Variants in SNX29 observed in about 807,000 individuals in gnomAD.
SNX29 encodes the protein sorting nexin 29.
In SNX29, 78 loss-of-function variants were observed where a neutral mutation model predicts 102.1. The ratio of observed to expected loss-of-function variants is 0.76; its 90% CI spans 0.64 to 0.92. The LOEUF (loss-of-function observed/expected upper bound fraction) is 0.92, where lower values mean the gene tolerates loss of function less well. SNX29 is among the 40% of genes least tolerant of loss of function. The probability of loss-of-function intolerance (pLI) is 0.00; values close to 1 mark genes in which losing one functional copy is unlikely to be tolerated. For missense variants in SNX29, 1,280 were observed against 1,061.7 expected (o/e 1.21, Z -2.86); for synonymous variants, 580 against 414.5 (o/e 1.40, Z -4.85).
chr16:12,549,229 C>G (rs1275243014), intron 20 of SNX29, among the ~76,000 whole-genome samples: 2 of 152,212 alleles, frequency 1.3e-5, no homozygotes, highest in African/African-American at 4.8e-5. Flanking sequence ...GCCATGGTGG[C>G]TCATCCCTGT....
At chr16:12,117,597 A>T (rs186962019) in intron 11 of SNX29, among the ~76,000 whole-genome samples, 2 of 152,362 alleles carry the variant, frequency 1.3e-5, no homozygotes, top group Admixed American at 1.3e-4. Context: ...AATGTGGATC[A>T]GAGGTTGCCA....
chr16:12,257,290 T>C (rs2078602408), intron 14 of SNX29, among the ~76,000 whole-genome samples: 1 of 152,196 alleles, frequency 6.6e-6, no homozygotes, highest in Non-Finnish European at 1.5e-5. Flanking sequence ...TCTTCTGCCA[T>C]CCCTCTCTTC....
At chr16:12,031,135 C>T (rs528021148) in intron 4 of SNX29, among the ~76,000 whole-genome samples, 44 of 151,910 alleles carry the variant, frequency 2.9e-4, no homozygotes, top group South Asian at 8.3e-4. Context: ...TGCAGTGGTG[C>T]GATCTCGGCT....
intron 20 of SNX29, among the ~76,000 whole-genome samples, chr16:12,537,593 C>T (rs571287441): frequency 3.9e-5 from 6 of 152,276 alleles, no homozygotes; most frequent in African/African-American, 9.6e-5. Flanking sequence ...CTTCTTTGTT[C>T]AAACTCTCAC....
In SNX29 at chr16:12,568,907, CTCCACCTTTCTGTAGT is replaced by C; in HGVS notation, c.*281_*296del. The C allele has an allele frequency of 4.2e-6, 2 of 472,646 alleles. No homozygotes were observed. Among genetic ancestry groups the C allele is most frequent in the Non-Finnish European group, 7.4e-6 (2 of 268,980 alleles). 29.3% of individuals were successfully genotyped at this position (472,646 alleles called of 1,614,324 possible). A position where few individuals can be genotyped will look rare whatever the true frequency, so the allele number is the denominator to read the frequency against. ...CTACCCTGGGCTGCAAGGGCTGTTC[CTCCACCTTTCTGTAGT>C]TCAGGGCTGGCAGGAGGGTGGGCAC... On this transcript the variant is annotated 3_prime_UTR_variant, in exon 21 of 21. Coordinates refer to ENST00000566228, the MANE Select transcript of SNX29 (RefSeq NM_032167.5).
chr16:12,216,512 G>C (rs1417905310), intron 14 of SNX29, among the ~76,000 whole-genome samples: 2 of 152,228 alleles, frequency 1.3e-5, no homozygotes, highest in Non-Finnish European at 2.9e-5. Flanking sequence ...AGTCGGGTTT[G>C]ATGGGCATGC....
chr16:12,386,712 T>G (rs1473104809), intron 16 of SNX29, among the ~76,000 whole-genome samples: 2 of 152,204 alleles, frequency 1.3e-5, no homozygotes, highest in Admixed American at 6.5e-5. Context: ...GATGAATCTT[T>G]CCTGAACAGT....
intron 1 of SNX29, among the ~76,000 whole-genome samples, chr16:11,982,631 A>T (rs2055447583): frequency 6.6e-6 from 1 of 151,822 alleles, no homozygotes; most frequent in Non-Finnish European, 1.5e-5. Flanking sequence ...GGGTTTCACC[A>T]TGTTAGCCAG....
At chr16:12,516,065 A>G (rs2089851529) in intron 19 of SNX29, among the ~76,000 whole-genome samples, 1 of 152,164 alleles carries the variant, frequency 6.6e-6, no homozygotes, top group African/African-American at 2.4e-5. Context: ...CCCAACTCCC[A>G]TTACCTTACA....
chr16:12,328,571 C>T (rs1204497019), intron 15 of SNX29, among the ~76,000 whole-genome samples: 3 of 152,046 alleles, frequency 2.0e-5, no homozygotes, highest in South Asian at 4.2e-4. Flanking sequence ...CCAGATTCCT[C>T]GTTCTCTGTC....
intron 3 of SNX29, among the ~76,000 whole-genome samples, chr16:12,018,503 A>G (rs2056916668): frequency 6.6e-6 from 1 of 151,214 alleles, no homozygotes; most frequent in East Asian, 1.9e-4. Flanking sequence ...GAATCACTTG[A>G]ACCTGGGAGG....
intron 15 of SNX29, among the ~76,000 whole-genome samples, chr16:12,306,953 C>G (rs1016743074): frequency 2.0e-5 from 3 of 152,112 alleles, no homozygotes; most frequent in African/African-American, 4.8e-5. Context: ...TGCCTGCACC[C>G]CCTTGTGCAG....
At position 12,157,685 on chromosome 16, in the gene SNX29, G is replaced by A. The variant is rs142977816; in HGVS notation, c.1595+27927G>A. On this transcript the variant is annotated intron_variant, in intron 13 of 20. Coordinates refer to ENST00000566228, the MANE Select transcript of SNX29 (RefSeq NM_032167.5). ...GGTTTCCTATCTTGGTCAAGTTCAT[G>A]TGAGCTCGTAAGTGAAGAATCCAGG... 2.0e-5 allele frequency among the ~76,000 whole-genome samples: 3 copies of A among 152,314 alleles called. No individual in the cohort carries two copies. The East Asian group carries it at 5.8e-4, about 29-fold the overall frequency.
chr16:12,469,005 G>C (rs1396368978), intron 18 of SNX29, among the ~76,000 whole-genome samples: 2 of 152,210 alleles, frequency 1.3e-5, no homozygotes, highest in African/African-American at 4.8e-5. Flanking sequence ...GTGCACCTCA[G>C]TTCTCTCCGA....
intron 2 of SNX29, among the ~76,000 whole-genome samples, chr16:11,999,737 A>G (rs561965117): frequency 1.2e-4 from 19 of 152,138 alleles, no homozygotes; most frequent in Middle Eastern, 3.4e-3. Flanking sequence ...CCCTGTCTCT[A>G]TAAAAATACA....
At chr16:12,008,044 C>T (rs553912058) in intron 3 of SNX29, among the ~76,000 whole-genome samples, 7 of 151,872 alleles carry the variant, frequency 4.6e-5, no homozygotes, top group South Asian at 2.1e-4. Flanking sequence ...CCCAGGTTCA[C>T]GCTGTTCTCC....
At chr16:12,413,088 T>G (rs1036733089) in intron 18 of SNX29, among the ~76,000 whole-genome samples, 2 of 152,226 alleles carry the variant, frequency 1.3e-5, no homozygotes. Context: ...TGTTTTGTTT[T>G]GTTTCTGTTC....
At chr16:12,456,662 G>A (rs1489108236) in intron 18 of SNX29, among the ~76,000 whole-genome samples, 1 of 152,146 alleles carries the variant, frequency 6.6e-6, no homozygotes, top group Non-Finnish European at 1.5e-5. Context: ...AGGGATACGT[G>A]TGTGAGTACT....
chr16:12,566,929 A>G (rs536146022), intron 20 of SNX29, among the ~76,000 whole-genome samples: 51 of 152,348 alleles, frequency 3.3e-4, no homozygotes, highest in Admixed American at 8.5e-4. Flanking sequence ...TCATTTTGTT[A>G]GCTTATCAGG....
Sources: gnomAD v4.1 joint callset for allele counts (sites outside exome capture counted in the v4.1 genomes callset) on GRCh38, gnomAD v4.1.1 for gene constraint, MANE v1.5 for transcripts, NCBI Gene and HGNC (gene_info 2026-07-23, HGNC 2026-07-21) for gene names.